Variants in DHPS observed in about 807,000 individuals in gnomAD.
DHPS encodes migration-inducing gene 13.
DHPS carries 24 observed loss-of-function variants against 38.7 expected under a neutral mutation model. That is an observed-to-expected ratio of 0.62 (90% confidence interval 0.45 to 0.87). The LOEUF (loss-of-function observed/expected upper bound fraction) is 0.87. Ranked by LOEUF, DHPS falls within the 40% of genes least tolerant of loss-of-function variation. The pLI, the probability that DHPS is intolerant of heterozygous loss-of-function variation, is 0.00. For missense variants in DHPS, 510 were observed against 497.6 expected, an observed-to-expected ratio of 1.02 and a Z score of -0.24; for synonymous variants, 250 against 204.4, an observed-to-expected ratio of 1.22 and a Z score of -1.90.
intron 7 of DHPS, chr19:12,676,567 A>G (rs2024595983): frequency 9.2e-6 from 2 of 217,392 alleles, no homozygotes; most frequent in South Asian, 6.6e-5. Flanking sequence ...CACTTCTCTC[A>G]GTGCAAAAGC....
At position 12,677,663 on chromosome 19, in the gene DHPS, G is replaced by C. The variant is rs1489384886; in HGVS notation, c.679-267C>G. Among the ~76,000 whole-genome samples, 3 of 151,966 alleles carry C rather than the reference G, an allele frequency of 2.0e-5. No individual in the cohort carries two copies. In the East Asian group the frequency reaches 5.8e-4, roughly 30 times the overall value. ...CTTTTTTTTTATTCCCTGAGACGGA[G>C]TTTCACTCGTTGCCCAGGCTGGAGT... On this transcript the variant is annotated intron_variant, in intron 5 of 8. Transcript: ENST00000210060.
chr19:12,679,777 C>A (rs2024736926), intron 3 of DHPS, 24 bp downstream of exon 3: 1 of 1,614,006 alleles, frequency 6.2e-7, no homozygotes, highest in Non-Finnish European at 8.5e-7. Flanking sequence ...AGCTCCCCTG[C>A]CCAACACCAC....
At chr19:12,681,056 ACT>A in intron 1 of DHPS, 1 of 1,081,790 alleles carries the variant, frequency 9.2e-7, no homozygotes, top group Non-Finnish European at 1.2e-6. Context: ...CTTGTCTCGA[ACT>A]CCTCTTCTCT....
At chr19:12,672,910 G>T, downstream of DHPS, 1 of 1,599,430 alleles carries the variant, frequency 6.3e-7, no homozygotes, top group Non-Finnish European at 8.5e-7. Flanking sequence ...CAGACTACGT[G>T]GGCAGTGAGT....
chr19:12,674,969 C>T (rs1024375175), downstream of DHPS, among the ~76,000 whole-genome samples: 1 of 151,632 alleles, frequency 6.6e-6, no homozygotes, highest in African/African-American at 2.4e-5. Context: ...CAAAAATTAG[C>T]TGGGCATGGT....
chr19:12,680,535 CTT>C lies in DHPS; in HGVS notation c.208-212_208-211del, dbSNP rs869197999. Reference sequence around the variant, plus strand: ...CACACGTTCAGGATTTGCCCCCACCCTTTTTTTTTTTTTTTTGGACGGAGTTT... The same window carrying C: ...CACACGTTCAGGATTTGCCCCCACCCTTTTTTTTTTTTTTGGACGGAGTTT... On this transcript the variant is annotated intron_variant, in intron 1 of 8. Coordinates refer to ENST00000210060, the MANE Select transcript of DHPS (RefSeq NM_001930.4). Among the ~76,000 whole-genome samples, 134 of 140,018 alleles carry C rather than the reference CTT, an allele frequency of 9.6e-4. 1 individual carries two copies. The highest frequency in any genetic ancestry group is 2.7e-3 in the African/African-American group (103 of 38,134). The allele number at this position is 140,018 out of a possible 152,430, so 91.9% of individuals were successfully genotyped here. A position where few individuals can be genotyped will look rare whatever the true frequency, so the allele number is the denominator to read the frequency against.
rs1190794954 is a variant in DHPS, at chr19:12,681,592, A to G, written c.175T>C (p.Phe59Leu). ...FGTTGFQATNFGRAVQQVNAM... is the reference protein window; with the variant it reads ...FGTTGFQATNLGRAVQQVNAM... ...TTGACTTGCTGTACAGCGCGCCCGA[A>G]GTTGGTTGCTTGGAAGCCGGTGGTG... is the stretch of plus-strand genomic sequence containing the variant. Residue 59 changes from phenylalanine (F) to leucine (L), a missense_variant, in exon 1 of 9, where the codon TTC becomes CTC. Transcript: ENST00000210060. 1.2e-6 allele frequency: 2 copies of G among 1,614,222 alleles called. No individual in the cohort carries two copies. Among genetic ancestry groups the G allele is most frequent in the Non-Finnish European group, 1.7e-6 (2 of 1,180,050 alleles).
At position 12,681,716 on chromosome 19, in the gene DHPS, C is replaced by A. The variant is rs768810087; in HGVS notation, c.51G>T (p.Val17=). 6.2e-6 allele frequency: 10 copies of A among 1,613,456 alleles called. No individual in the cohort carries two copies. Among genetic ancestry groups the A allele is most frequent in the Non-Finnish European group, 8.5e-6 (10 of 1,180,004 alleles). The part of the protein sequence containing the change: ...REAPAGALAA[V]LKHSSTLPPE... ...GCGGCAACGTCGAGCTGTGCTTTAG[C>A]ACGGCGGCCAGCGCCCCCGCTGGCG... Residue 17 remains valine, a synonymous_variant, in exon 1 of 9, where the codon GTG becomes GTT. Coordinates refer to ENST00000210060, the MANE Select transcript of DHPS (RefSeq NM_001930.4).
chr19:12,680,083 C>T, intron 2 of DHPS, 78 bp downstream of exon 2: 1 of 1,584,636 alleles, frequency 6.3e-7, no homozygotes, highest in South Asian at 1.1e-5. Context: ...CCCCTATCTG[C>T]CCATCTCACT....
downstream of DHPS, chr19:12,672,747 T>G: frequency 8.2e-7 from 1 of 1,220,708 alleles, no homozygotes; most frequent in South Asian, 1.3e-5. Flanking sequence ...TCCACTCCTG[T>G]GCACTGGAAG....
At chr19:12,679,297 CAAAA>C (rs373817355) in intron 5 of DHPS, among the ~76,000 whole-genome samples, 156 bp downstream of exon 5, 1 of 137,164 alleles carries the variant, frequency 7.3e-6, no homozygotes, top group Non-Finnish European at 1.6e-5. Context: ...GATCCTGTCT[CAAAA>C]AAAAAAAAAA....
chr19:12,677,924 A>G (rs778731400), intron 5 of DHPS, among the ~76,000 whole-genome samples: 8 of 150,370 alleles, frequency 5.3e-5, no homozygotes, highest in Non-Finnish European at 1.2e-4. Context: ...TACAAGCATG[A>G]GCCACCGTGC....
In DHPS at chr19:12,675,880, G is replaced by A. The variant is rs749217870; in HGVS notation, c.1068C>T (p.Ala356=). The A allele has an allele frequency of 1.9e-6, 3 of 1,610,268 alleles. No homozygotes were observed. The highest frequency in any genetic ancestry group is 1.7e-5 in the Admixed American group (1 of 59,400). Reference sequence around the variant, plus strand: ...CATGCATGAAGGCATCCATCTTCTGGGCAAAGGTTTCAGCCACAAGCAGGG... The same window carrying A: ...CATGCATGAAGGCATCCATCTTCTGAGCAAAGGTTTCAGCCACAAGCAGGG... ...VFPLLVAETF[A]QKMDAFMHEK... Residue 356 remains alanine, a synonymous_variant, in exon 9 of 9, where the codon GCC becomes GCT. Coordinates refer to ENST00000210060, the MANE Select transcript of DHPS (RefSeq NM_001930.4).
At position 12,677,361 on chromosome 19, in the gene DHPS, G is replaced by C; in HGVS notation, c.714C>G (p.Asp238Glu). ...AGAAGATCATGTCGCCCAGCGAGCC[G>C]TCTGTAAGTGCGGGACTAAACACAG... ...HIPVFSPALT[D>E]GSLGDMIFFH... The change falls in exon 6 of 9, where the codon GAC (aspartate) becomes GAG (glutamate). Residue 238 changes from aspartate (D) to glutamate (E), a missense_variant. By Grantham distance (45) the Asp-to-Glu change is conservative. Transcript: ENST00000210060. 1 of 1,614,152 alleles carries C rather than the reference G, an allele frequency of 6.2e-7. No individual in the cohort carries two copies.
At position 12,677,349 on chromosome 19, in the gene DHPS, G is replaced by A. The variant is rs371100778; in HGVS notation, c.726C>T (p.Gly242=). The change falls in exon 6 of 9, where the codon GGC becomes GGT. Residue 242 remains glycine (G), a synonymous_variant. Coordinates refer to ENST00000210060, the MANE Select transcript of DHPS (RefSeq NM_001930.4). The part of the protein sequence containing the change: ...FSPALTDGSL[G]DMIFFHSYKN... ...TGTAGGAATGGAAGAAGATCATGTC[G>A]CCCAGCGAGCCGTCTGTAAGTGCGG... The A allele has an allele frequency of 2.6e-5, 42 of 1,614,124 alleles. No individual in the cohort carries two copies. Among genetic ancestry groups the A allele is most frequent in the Admixed American group, 6.7e-5 (4 of 60,002 alleles).
chr19:12,679,968 C>A, intron 2 of DHPS, 46 bp from the exon 3 acceptor site: 1 of 1,588,204 alleles, frequency 6.3e-7, no homozygotes. Flanking sequence ...GAAGCCCCTG[C>A]CCTCATTCTG....
downstream of DHPS, chr19:12,673,399 A>T: frequency 2.0e-5 from 11 of 543,658 alleles, no homozygotes; most frequent in East Asian, 8.2e-5. Flanking sequence ...CCAGGGCCTG[A>T]AGGCTAGGAT....
intron 5 of DHPS, among the ~76,000 whole-genome samples, chr19:12,678,688 G>C (rs1042237084): frequency 2.2e-5 from 3 of 138,222 alleles, no homozygotes; most frequent in African/African-American, 8.2e-5. Flanking sequence ...AGAATCACTT[G>C]AACCTGGGAG....
intron 1 of DHPS, 105 bp downstream of exon 1, chr19:12,681,451 CAAAT>C (rs2024809365): frequency 4.5e-6 from 6 of 1,326,986 alleles, no homozygotes; most frequent in South Asian, 1.3e-5. Flanking sequence ...TTGGGCAACT[CAAAT>C]AAAAGACATA....
Sources: allele counts gnomAD v4.1 joint callset (sites outside exome capture counted in the v4.1 genomes callset), GRCh38; gene constraint gnomAD v4.1.1; transcripts MANE v1.5; gene names NCBI Gene and HGNC (gene_info 2026-07-23, HGNC 2026-07-21).